NLGN1: variants seen among roughly 807,000 people sequenced by gnomAD.
NLGN1 encodes neuroligin 1, also known as neuroligin-1.
Under a neutral mutation model 65.5 loss-of-function variants are expected in NLGN1, and 12 were observed. The observed-to-expected ratio is 0.18, with a 90% CI of 0.12 to 0.30. The LOEUF (loss-of-function observed/expected upper bound fraction) is 0.30, where lower values mean the gene tolerates loss of function less well. Among genes scored for constraint, NLGN1 ranks in the 10% least tolerant of loss-of-function variants. NLGN1 has a pLI of 1.00. For missense variants in NLGN1, 750 were observed against 1,007.1 expected (o/e 0.74, Z 3.46); for synonymous variants, 350 against 359.5 (o/e 0.97, Z 0.30).
chr3:173,829,802 C>T (rs1722136255), intron 4 of NLGN1, among the ~76,000 whole-genome samples: 1 of 152,120 alleles, frequency 6.6e-6, no homozygotes, highest in Non-Finnish European at 1.5e-5. Flanking sequence ...GATTCTTCTG[C>T]CCCCTTGCCT....
intron 3 of NLGN1, among the ~76,000 whole-genome samples, chr3:173,680,952 A>G (rs1269771705): frequency 3.3e-5 from 5 of 151,980 alleles, no homozygotes; most frequent in Non-Finnish European, 4.4e-5. Flanking sequence ...TTCAGGCTAC[A>G]TTTTTTTTAA....
intron 4 of NLGN1, among the ~76,000 whole-genome samples, chr3:173,986,696 C>T (rs1720015475): frequency 6.6e-6 from 1 of 152,146 alleles, no homozygotes; most frequent in Non-Finnish European, 1.5e-5. Context: ...GTTTCAGCAG[C>T]CCTAGCAAAC....
chr3:173,708,335 G>T (rs147663501), intron 3 of NLGN1, among the ~76,000 whole-genome samples: 1 of 152,156 alleles, frequency 6.6e-6, no homozygotes, highest in African/African-American at 2.4e-5. Flanking sequence ...CTTGTTGCCT[G>T]ATCAGTTTCC....
chr3:173,640,237 T>A (rs1757194467), intron 3 of NLGN1, among the ~76,000 whole-genome samples: 1 of 152,194 alleles, frequency 6.6e-6, no homozygotes, highest in African/African-American at 2.4e-5. Context: ...GTCAGTCATC[T>A]GAAGCCTGTA....
intron 1 of NLGN1, among the ~76,000 whole-genome samples, chr3:173,400,123 T>C (rs1399770022): frequency 6.6e-6 from 1 of 152,210 alleles, no homozygotes; most frequent in Non-Finnish European, 1.5e-5. Context: ...TTTTAAAGGC[T>C]TAGTTTTTGA....
rs542551455 is a variant in NLGN1, at chr3:173,749,377, T to C, written c.494-58303T>C. ...CAGTTTGTCTTTCTAGGCCTCAGTTTCCTCATTTATAAAATGAGAAGATTG... is the reference window on the plus strand; with the variant it reads ...CAGTTTGTCTTTCTAGGCCTCAGTTCCCTCATTTATAAAATGAGAAGATTG... On this transcript the variant is annotated intron_variant, in intron 3 of 6. Coordinates refer to ENST00000457714, the Ensembl canonical transcript of NLGN1. Among the ~76,000 whole-genome samples the C allele has an allele frequency of 5.9e-5, 9 of 152,148 alleles. No homozygotes were observed. The East Asian group carries it at 1.7e-3, about 29-fold the overall frequency.
chr3:173,602,486 T>A (rs1244935278), intron 2 of NLGN1, among the ~76,000 whole-genome samples: 1 of 151,996 alleles, frequency 6.6e-6, no homozygotes, highest in Non-Finnish European at 1.5e-5. Context: ...CATGCAGAAT[T>A]CCAATCCTGT....
chr3:174,025,850 T>G (rs1309111036), intron 4 of NLGN1, among the ~76,000 whole-genome samples: 2 of 152,194 alleles, frequency 1.3e-5, no homozygotes, highest in Non-Finnish European at 2.9e-5. Context: ...TGGTAGAATT[T>G]AGCTGTGTAA....
At chr3:173,900,378 G>T (rs1053684326) in intron 4 of NLGN1, among the ~76,000 whole-genome samples, 4 of 151,942 alleles carry the variant, frequency 2.6e-5, no homozygotes, top group Admixed American at 2.6e-4. Flanking sequence ...TAATATCATT[G>T]CCCTGCTGAT....
rs35226730 is a variant in NLGN1, at chr3:173,537,483, AGTGTGTGTGTGT to A, written c.-320-66783_-320-66772del. Among the ~76,000 whole-genome samples the A allele has an allele frequency of 3.4e-5, 5 of 149,110 alleles. No homozygotes were observed. In the South Asian group the frequency reaches 6.4e-4, roughly 19 times the overall value. On this transcript the variant is annotated intron_variant, in intron 2 of 6. Transcript: ENST00000457714. ...AGGGAAGAAAAAAAGGTATTTGCTT[AGTGTGTGTGTGT>A]GTGTGTGTGTGTTTGTGTGTGTGTA...
At chr3:174,138,672 G>A (rs149691863) in intron 4 of NLGN1, among the ~76,000 whole-genome samples, 30,071 of 151,662 alleles carry the variant, frequency 0.2, 3,305 homozygotes, top group African/African-American at 0.3. Context: ...CTGACCTCGT[G>A]ATCCGCCCGC....
At chr3:173,665,556 A>G (rs1761574249) in intron 3 of NLGN1, among the ~76,000 whole-genome samples, 1 of 152,194 alleles carries the variant, frequency 6.6e-6, no homozygotes, top group South Asian at 2.1e-4. Context: ...TTCTGCGGAA[A>G]TGACAAGGTT....
intron 2 of NLGN1, among the ~76,000 whole-genome samples, chr3:173,444,064 A>G (rs1346202776): frequency 1.3e-5 from 2 of 152,336 alleles, no homozygotes; most frequent in East Asian, 1.9e-4. Context: ...CAAAAAATAT[A>G]GTTTGAAAAA....
intron 3 of NLGN1, among the ~76,000 whole-genome samples, chr3:173,719,299 A>G (rs1770410197): frequency 6.6e-6 from 1 of 152,190 alleles, no homozygotes; most frequent in Non-Finnish European, 1.5e-5. Flanking sequence ...CTTAGTCAGT[A>G]AATGTGCATA....
At chr3:173,683,889 A>G (rs1439179929) in intron 3 of NLGN1, among the ~76,000 whole-genome samples, 1 of 152,148 alleles carries the variant, frequency 6.6e-6, no homozygotes, top group African/African-American at 2.4e-5. Flanking sequence ...GGTGAGGCCA[A>G]GTCACATGCT....
At chr3:173,736,044 A>G (rs1773686879) in intron 3 of NLGN1, among the ~76,000 whole-genome samples, 1 of 152,006 alleles carries the variant, frequency 6.6e-6, no homozygotes, top group South Asian at 2.1e-4. Context: ...GGAAGCACAG[A>G]AAAGTTGGAA....
chr3:173,486,001 T>C (rs1474953263), intron 2 of NLGN1, among the ~76,000 whole-genome samples: 1 of 152,064 alleles, frequency 6.6e-6, no homozygotes, highest in African/African-American at 2.4e-5. Context: ...CAGTGTAATG[T>C]TGAGTAGTGC....
intron 2 of NLGN1, among the ~76,000 whole-genome samples, chr3:173,489,519 A>G (rs894181406): frequency 6.6e-6 from 1 of 152,158 alleles, no homozygotes; most frequent in African/African-American, 2.4e-5. Flanking sequence ...AGTCTTTGCT[A>G]TTGTGAATAG....
At chr3:174,237,891 C>T (rs1247186692) in intron 4 of NLGN1, among the ~76,000 whole-genome samples, 2 of 152,110 alleles carry the variant, frequency 1.3e-5, no homozygotes, top group Non-Finnish European at 2.9e-5. Context: ...TTGATATCCT[C>T]CCCTGAAAAC....
Sources: allele counts gnomAD v4.1 joint callset (sites outside exome capture counted in the v4.1 genomes callset), GRCh38; gene constraint gnomAD v4.1.1; transcripts MANE v1.5; gene names NCBI Gene and HGNC (gene_info 2026-07-23, HGNC 2026-07-21).